The following NF2 variants were observed in gnomAD, a reference collection of about 807,000 sequenced individuals.
NF2 encodes NF2, moesin-ezrin-radixin like (MERLIN) tumor suppressor.
A neutral mutation model predicts 83.7 loss-of-function variants in NF2; 8 were observed. That is an observed-to-expected ratio of 0.10 (90% CI 0.06 to 0.17). The LOEUF (loss-of-function observed/expected upper bound fraction) is 0.17. NF2 is among the 10% of genes least tolerant of loss of function. The probability of loss-of-function intolerance (pLI) is 1.00; values close to 1 mark genes in which losing one functional copy is unlikely to be tolerated. For synonymous variants in NF2, 266 were observed against 269.6 expected, an observed-to-expected ratio of 0.99 and a Z score of 0.13; for missense variants, 533 against 744.4, an observed-to-expected ratio of 0.72 and a Z score of 3.31.
chr22:29,654,545 G>T (rs1307701249), intron 4 of NF2, 112 bp from the exon 5 acceptor site: 2 of 862,160 alleles, frequency 2.3e-6, no homozygotes, highest in Non-Finnish European at 3.9e-6. Context: ...ACTTGTCATC[G>T]GAATTGAATT....
chr22:29,624,848 T>TC (rs748722956), intron 1 of NF2, among the ~76,000 whole-genome samples: 1 of 149,142 alleles, frequency 6.7e-6, no homozygotes, highest in Admixed American at 6.7e-5. Context: ...TTTCTTTCTT[T>TC]CTTTCTTTCT....
intron 15 of NF2, chr22:29,683,761 C>A: frequency 9.4e-7 from 1 of 1,064,622 alleles, no homozygotes; most frequent in Admixed American, 5.3e-5. Context: ...GAACAGTACA[C>A]TCACGGCACC....
chr22:29,644,782 G>A (rs1355848985), intron 4 of NF2, among the ~76,000 whole-genome samples: 1 of 152,212 alleles, frequency 6.6e-6, no homozygotes, highest in Admixed American at 6.5e-5. Flanking sequence ...CCCGTCAGGC[G>A]TGGTGGCGCG....
chr22:29,682,309 TTAAGA>T (rs1218849503), intron 15 of NF2, among the ~76,000 whole-genome samples: 1 of 152,226 alleles, frequency 6.6e-6, no homozygotes, highest in Admixed American at 6.5e-5. Context: ...ATAGGTGTTA[TTAAGA>T]TAAGACTGTC....
rs1264647293 is a variant in NF2 at position 29,610,089 on chromosome 22, G to T, written c.114+5977G>T. Among the ~76,000 whole-genome samples the T allele has an allele frequency of 2.6e-5, 4 of 151,984 alleles. No homozygotes were observed. In the East Asian group the frequency reaches 7.7e-4, roughly 29 times the overall value. On this transcript the variant is annotated intron_variant, in intron 1 of 15. Transcript: ENST00000338641. ...ACAGTGGCTGTTGCCTGTAATCTCA[G>T]CACTTTGGGAGGTCAAGGCAGGAGG...
intron 1 of NF2, chr22:29,608,795 T>C (rs989252675): frequency 6.8e-5 from 16 of 235,464 alleles, no homozygotes; most frequent in East Asian, 1.9e-4. Context: ...ACCACCAAAA[T>C]TGACCCAAGA....
At chr22:29,657,204 C>T (rs1364053673) in intron 6 of NF2, among the ~76,000 whole-genome samples, 2 of 152,160 alleles carry the variant, frequency 1.3e-5, no homozygotes, top group African/African-American at 2.4e-5. Context: ...TCCAGATTGG[C>T]GTTGCCCATC....
chr22:29,646,192 G>C (rs111465756), intron 4 of NF2, among the ~76,000 whole-genome samples: 4,846 of 152,242 alleles, frequency 0.032, 87 homozygotes, highest in Non-Finnish European at 0.046. Flanking sequence ...GGAATTTAAG[G>C]CTCAGAAAGG....
intron 7 of NF2, 96 bp downstream of exon 7, chr22:29,658,360 G>A: frequency 4.7e-6 from 5 of 1,058,398 alleles, no homozygotes; most frequent in South Asian, 1.3e-5. Flanking sequence ...CAAGGCGATA[G>A]ACTCTTTTAT....
intron 15 of NF2, among the ~76,000 whole-genome samples, chr22:29,685,604 G>A (rs749834931): frequency 1.3e-5 from 2 of 150,634 alleles, no homozygotes; most frequent in Non-Finnish European, 3.0e-5. Flanking sequence ...GTAAAGATGG[G>A]TTTCGCCATG....
intron 7 of NF2, among the ~76,000 whole-genome samples, chr22:29,660,556 A>G (rs1223011293): frequency 6.6e-6 from 1 of 152,226 alleles, no homozygotes; most frequent in Non-Finnish European, 1.5e-5. Flanking sequence ...ATAAGAAATC[A>G]TTAAACCTAT....
intron 11 of NF2, among the ~76,000 whole-genome samples, chr22:29,672,342 C>G (rs942630101): frequency 2.1e-5 from 3 of 140,736 alleles, no homozygotes; most frequent in Non-Finnish European, 3.0e-5. Flanking sequence ...GACGGAGTCT[C>G]GCTCTGTTGC....
At chr22:29,671,711 G>A (rs2066793233) in intron 10 of NF2, 115 bp from the exon 11 acceptor site, 2 of 1,466,916 alleles carry the variant, frequency 1.4e-6, no homozygotes, top group African/African-American at 1.4e-5. Flanking sequence ...CTAAAGGAAA[G>A]GGAAGGAAAA....
At chr22:29,679,773 G>A (rs2067073487) in intron 14 of NF2, among the ~76,000 whole-genome samples, 1 of 151,862 alleles carries the variant, frequency 6.6e-6, no homozygotes, top group South Asian at 2.1e-4. Context: ...GGCTGAGGTG[G>A]GAGGATTGCT....
At chr22:29,628,431 T>C (rs1361780012) in intron 1 of NF2, among the ~76,000 whole-genome samples, 1 of 151,724 alleles carries the variant, frequency 6.6e-6, no homozygotes, top group Non-Finnish European at 1.5e-5. Context: ...TAAGGTAGGG[T>C]AATTGGTTGA....
chr22:29,678,102 C>A lies in NF2; in HGVS notation c.1447-94C>A. The A allele has an allele frequency of 2.6e-6, 4 of 1,564,090 alleles. No homozygotes were observed. In the Admixed American group the frequency reaches 6.7e-5, roughly 26 times the overall value. ...GGTGGGACCCGAGTTGTGCCCATTG[C>A]CTCTGTGGCTGCTGGAGGATCGGTT... is the stretch of plus-strand genomic sequence containing the variant. On this transcript the variant is annotated intron_variant, in intron 13 of 15. Coordinates refer to ENST00000338641, the MANE Select transcript of NF2 (RefSeq NM_000268.4).
intron 1 of NF2, among the ~76,000 whole-genome samples, chr22:29,616,104 A>G (rs976187872): frequency 2.0e-5 from 3 of 152,196 alleles, no homozygotes; most frequent in African/African-American, 7.2e-5. Context: ...TCATATGCAA[A>G]TCTAGGATAG....
At chr22:29,660,195 GT>G (rs1372037808) in intron 7 of NF2, among the ~76,000 whole-genome samples, 1 of 152,170 alleles carries the variant, frequency 6.6e-6, no homozygotes, top group East Asian at 1.9e-4. Context: ...TCCGTCGCAG[GT>G]TCAGTGCTGT....
At chr22:29,664,887 ATGC>A in intron 8 of NF2, 100 bp from the exon 9 acceptor site, 1 of 822,866 alleles carries the variant, frequency 1.2e-6, no homozygotes, top group East Asian at 2.6e-5. Context: ...GCATAACTTC[ATGC>A]TGGTCTGTGG....
Sources: gnomAD v4.1 joint callset for allele counts (sites outside exome capture counted in the v4.1 genomes callset) on GRCh38, gnomAD v4.1.1 for gene constraint, MANE v1.5 for transcripts, NCBI Gene and HGNC (gene_info 2026-07-23, HGNC 2026-07-21) for gene names.